The following PRH1 variants were observed in gnomAD, a reference collection of about 807,000 sequenced individuals.
PRH1 encodes proline rich protein HaeIII subfamily 1.
Under a neutral mutation model 7.9 loss-of-function variants are expected in PRH1, and 7 were observed. The ratio of observed to expected loss-of-function variants is 0.89; its 90% CI spans 0.50 to 1.67. The LOEUF is 1.67. Ranked by LOEUF, PRH1 falls within the 40% of genes most tolerant of loss-of-function variation. The pLI, the probability that PRH1 is intolerant of heterozygous loss-of-function variation, is 0.00. For missense variants in PRH1, 109 were observed against 223.6 expected (o/e 0.49, Z 3.27); for synonymous variants, 45 against 80.8 (o/e 0.56, Z 2.38).
chr12:11,159,003 G>A (rs1406309300), intron 1 of PRH1: 2 of 153,014 alleles, frequency 1.3e-5, no homozygotes, highest in African/African-American at 4.8e-5. Flanking sequence ...AAAAGGAGGA[G>A]GAAGGCTATC....
intron 2 of PRH1, chr12:10,939,293 C>A: frequency 1.4e-6 from 1 of 737,572 alleles, no homozygotes; most frequent in Non-Finnish European, 2.1e-6. Flanking sequence ...ATATCTGATT[C>A]TTGAAAATTC....
At chr12:11,072,160 T>C (rs1944101583) in intron 1 of PRH1, among the ~76,000 whole-genome samples, 1 of 152,130 alleles carries the variant, frequency 6.6e-6, no homozygotes, top group Non-Finnish European at 1.5e-5. Flanking sequence ...TTTCTTTTTT[T>C]AGTTTTTGTA....
In PRH1 at chr12:11,115,035, T is replaced by TA. The variant is rs1430617601; in HGVS notation, n.123+56386dup. 1.4e-4 allele frequency among the ~76,000 whole-genome samples: 21 copies of TA among 152,136 alleles called. No individual in the cohort carries two copies. In the Middle Eastern group the frequency reaches 0.01, roughly 74 times the overall value. On this transcript the variant is annotated intron_variant and non_coding_transcript_variant, in intron 1 of 4. Transcript: ENST00000541977. The stretch of plus-strand genomic sequence containing the variant: ...AAAACAAATAACAAAATGACAAAAG[T>TA]AAGTCCTAACTACCAATACTAACAT...
intron 1 of PRH1, among the ~76,000 whole-genome samples, chr12:11,005,287 C>A (rs1940775163): frequency 6.6e-6 from 1 of 152,100 alleles, no homozygotes; most frequent in Non-Finnish European, 1.5e-5. Context: ...TGCTAGCATG[C>A]AAATAAAGAC....
At chr12:11,043,235 A>G (rs929489134) in intron 1 of PRH1, among the ~76,000 whole-genome samples, 1 of 152,240 alleles carries the variant, frequency 6.6e-6, no homozygotes, top group African/African-American at 2.4e-5. Flanking sequence ...AGCATTTGAT[A>G]AAATTCAATA....
intron 2 of PRH1, among the ~76,000 whole-genome samples, chr12:10,959,369 C>T (rs1938126930): frequency 6.6e-6 from 1 of 151,938 alleles, no homozygotes; most frequent in South Asian, 2.1e-4. Context: ...GAGATCTCAG[C>T]TGAAAGATTA....
intron 1 of PRH1, among the ~76,000 whole-genome samples, chr12:11,104,257 G>A (rs1945343434): frequency 6.7e-6 from 1 of 149,106 alleles, no homozygotes; most frequent in Non-Finnish European, 1.5e-5. Flanking sequence ...ATGTCTTCTT[G>A]TTGATATTTT....
chr12:10,932,162 AATGAGGT>A, intron 2 of PRH1: 1 of 405,270 alleles, frequency 2.5e-6, no homozygotes, highest in Non-Finnish European at 5.3e-6. Flanking sequence ...GCAGTAAACC[AATGAGGT>A]ATTAGACATT....
intron 2 of PRH1, among the ~76,000 whole-genome samples, chr12:10,901,701 C>A (rs931108793): frequency 2.0e-5 from 3 of 152,072 alleles, no homozygotes; most frequent in Non-Finnish European, 4.4e-5. Flanking sequence ...TTGAACCGCA[C>A]AGTCTAATAT....
At chr12:10,946,477 A>G (rs1950489084) in intron 2 of PRH1, among the ~76,000 whole-genome samples, 1 of 152,128 alleles carries the variant, frequency 6.6e-6, no homozygotes, top group Admixed American at 6.6e-5. Context: ...TCTGTAGGGT[A>G]AGTAATAACA....
At chr12:10,956,337 T>C (rs772713061) in intron 2 of PRH1, among the ~76,000 whole-genome samples, 16 of 152,152 alleles carry the variant, frequency 1.1e-4, no homozygotes, top group Non-Finnish European at 1.9e-4. Context: ...ACTATCTCAA[T>C]AGATGCAGAA....
At chr12:10,972,300 C>A (rs1218233404) in intron 2 of PRH1, among the ~76,000 whole-genome samples, 1 of 152,094 alleles carries the variant, frequency 6.6e-6, no homozygotes, top group African/African-American at 2.4e-5. Flanking sequence ...AGGTCCTGAC[C>A]TTAAACTCTA....
chr12:11,050,881 T>TA (rs1943115607), upstream of PRH1, among the ~76,000 whole-genome samples: 2 of 152,236 alleles, frequency 1.3e-5, no homozygotes, highest in Admixed American at 6.5e-5. Context: ...ATCTGGTGAG[T>TA]ACACTGTTCC....
At chr12:11,140,331 T>C (rs1247414791) in intron 1 of PRH1, among the ~76,000 whole-genome samples, 4 of 152,162 alleles carry the variant, frequency 2.6e-5, no homozygotes, top group Non-Finnish European at 2.9e-5. Flanking sequence ...TAGGTGTCCA[T>C]GGGAAAAATA....
chr12:11,007,497 T>C (rs1351222460), intron 1 of PRH1, among the ~76,000 whole-genome samples: 1 of 152,118 alleles, frequency 6.6e-6, no homozygotes, highest in African/African-American at 2.4e-5. Flanking sequence ...CAAGTCTATT[T>C]AATGTTTAAA....
chr12:11,162,074 C>T (rs1298807565), intron 1 of PRH1, among the ~76,000 whole-genome samples: 1 of 152,168 alleles, frequency 6.6e-6, no homozygotes, highest in Non-Finnish European at 1.5e-5. Flanking sequence ...ACTTGAAATA[C>T]GTACCTTCTC....
At chr12:10,949,452 G>T (rs1435546268) in intron 2 of PRH1, among the ~76,000 whole-genome samples, 1 of 152,138 alleles carries the variant, frequency 6.6e-6, no homozygotes, top group African/African-American at 2.4e-5. Flanking sequence ...TCCAAGATTA[G>T]CATTAAGAAT....
At chr12:11,119,522 T>A (rs1160364117), downstream of PRH1, among the ~76,000 whole-genome samples, 3 of 152,034 alleles carry the variant, frequency 2.0e-5, no homozygotes, top group East Asian at 5.8e-4. Flanking sequence ...TATCAACACA[T>A]CCCGTGTACT....
intron 2 of PRH1, among the ~76,000 whole-genome samples, chr12:10,957,697 A>G (rs1434235426): frequency 2.6e-5 from 4 of 152,180 alleles, no homozygotes; most frequent in African/African-American, 9.6e-5. Context: ...TCCGGAACAT[A>G]TAAGGAATTT....
Sources: gnomAD v4.1 joint callset for allele counts (sites outside exome capture counted in the v4.1 genomes callset) on GRCh38, gnomAD v4.1.1 for gene constraint, MANE v1.5 for transcripts, NCBI Gene and HGNC (gene_info 2026-07-23, HGNC 2026-07-21) for gene names.